The following RMDN2 variants were observed in gnomAD, a reference collection of about 807,000 sequenced individuals.
RMDN2 encodes regulator of microtubule dynamics 2.
A neutral mutation model predicts 52.8 loss-of-function variants in RMDN2; 61 were observed. That is an observed-to-expected ratio of 1.16 (90% CI 0.94 to 1.43). The LOEUF (loss-of-function observed/expected upper bound fraction) is 1.43, where lower values mean the gene tolerates loss of function less well. Among genes scored for constraint, RMDN2 ranks in the 40% most tolerant of loss-of-function variants. The pLI, the probability that RMDN2 is intolerant of heterozygous loss-of-function variation, is 0.00. For missense variants in RMDN2, 592 were observed against 475.3 expected, an observed-to-expected ratio of 1.25 and a Z score of -2.28; for synonymous variants, 180 against 153.1, an observed-to-expected ratio of 1.18 and a Z score of -1.30.
At position 37,980,507 on chromosome 2, in the gene RMDN2, T is replaced by A. The variant is rs145964200; in HGVS notation, c.731-776T>A. Among the ~76,000 whole-genome samples the A allele has an allele frequency of 8.8e-3, 1,338 of 152,278 alleles. 13 individuals are homozygous for A. Among genetic ancestry groups the A allele is most frequent in the African/African-American group, 0.03 (1,263 of 41,538 alleles). The stretch of plus-strand genomic sequence containing the variant: ...TTAGTAGAGACAGGGTTTCGCCATG[T>A]TGGCCAGATTGGTCTCGAATTCCTG... On this transcript the variant is annotated intron_variant, in intron 4 of 10. Transcript: ENST00000354545.
chr2:38,038,547 T>C lies in RMDN2; in HGVS notation c.1714-28435T>C, dbSNP rs200913777. Among the ~76,000 whole-genome samples, 1,075 of 152,346 alleles carry C rather than the reference T, an allele frequency of 7.1e-3. 10 individuals carry two copies. The highest frequency in any genetic ancestry group is 0.012 in the Non-Finnish European group (843 of 68,030). ...CCCCCGCCTCGGAGCCAGCTGCGCC[T>C]GGAGCTAAAGCCTCAGCTTTTTAAG... On this transcript the variant is annotated intron_variant, in intron 10 of 10. Transcript: ENST00000234195.
At chr2:37,968,799 A>G (rs1012820902) in intron 2 of RMDN2, among the ~76,000 whole-genome samples, 6 of 152,258 alleles carry the variant, frequency 3.9e-5, no homozygotes, top group African/African-American at 1.4e-4. Context: ...AAAGGCTATT[A>G]GAAAATTCTA....
chr2:37,996,354 G>C (rs2125157757), intron 7 of RMDN2, among the ~76,000 whole-genome samples: 1 of 152,214 alleles, frequency 6.6e-6, no homozygotes, highest in South Asian at 2.1e-4. Flanking sequence ...AGAGTCTGAG[G>C]CAGGAGGATC....
At chr2:37,998,250 C>T (rs748422183) in intron 8 of RMDN2, 2 of 152,162 alleles carry the variant, frequency 1.3e-5, no homozygotes, top group Non-Finnish European at 2.9e-5. Context: ...GACAAGGCTG[C>T]ATGCAGTGGC....
chr2:38,045,090 T>C (rs1266297500), intron 10 of RMDN2, among the ~76,000 whole-genome samples: 1 of 152,196 alleles, frequency 6.6e-6, no homozygotes, highest in East Asian at 1.9e-4. Flanking sequence ...TATAACTCTG[T>C]ATGTTAATTT....
chr2:37,951,739 TAACC>T, intron 2 of RMDN2: 1 of 1,612,670 alleles, frequency 6.2e-7, no homozygotes, highest in Non-Finnish European at 8.5e-7. Flanking sequence ...AAAAAACATA[TAACC>T]ATCTCTGCTC....
chr2:37,985,469 C>G (rs1439925475), intron 5 of RMDN2, among the ~76,000 whole-genome samples: 6 of 152,076 alleles, frequency 3.9e-5, no homozygotes, highest in Non-Finnish European at 4.4e-5. Context: ...CAAGTTCACT[C>G]ATAACATTTT....
intron 10 of RMDN2, among the ~76,000 whole-genome samples, chr2:38,053,204 T>C (rs1383612116): frequency 6.6e-6 from 1 of 152,110 alleles, no homozygotes; most frequent in Non-Finnish European, 1.5e-5. Context: ...CAAATTATGA[T>C]TTTTTTTGGA....
At chr2:38,003,578 A>AGATAGATAGATAGATAGATAGATG (rs1676627111) in intron 8 of RMDN2, among the ~76,000 whole-genome samples, 9 of 151,752 alleles carry the variant, frequency 5.9e-5, no homozygotes, top group African/African-American at 2.2e-4. Context: ...ATAGATAGAT[A>AGATAGATAGATAGATAGATAGATG]GATAGATAGA....
chr2:37,935,448 C>G (rs531137103), intron 2 of RMDN2, among the ~76,000 whole-genome samples: 1 of 152,210 alleles, frequency 6.6e-6, no homozygotes, highest in Non-Finnish European at 1.5e-5. Context: ...AACAGAGATT[C>G]AGAAGCTCAT....
chr2:38,058,946 G>A (rs551355021), intron 10 of RMDN2, among the ~76,000 whole-genome samples: 2 of 152,186 alleles, frequency 1.3e-5, no homozygotes, highest in East Asian at 1.9e-4. Flanking sequence ...TCGGAGGAGG[G>A]GCCCCTGAAT....
chr2:38,055,386 A>T (rs2125303798), intron 10 of RMDN2, among the ~76,000 whole-genome samples: 1 of 152,066 alleles, frequency 6.6e-6, no homozygotes, highest in South Asian at 2.1e-4. Context: ...CCCTCACCCT[A>T]TATACATAGC....
At chr2:38,026,573 A>G (rs1053935129) in intron 10 of RMDN2, among the ~76,000 whole-genome samples, 13 of 152,026 alleles carry the variant, frequency 8.6e-5, no homozygotes, top group Admixed American at 2.6e-4. Context: ...AGCTGAAGTC[A>G]TTGATATAAG....
chr2:37,929,594 A>G lies in RMDN2; in HGVS notation c.317A>G (p.Tyr106Cys), dbSNP rs765452435. ...GAAGCTATTCCAAAGCTGGAGGAAT[A>G]TATACAAGATGAACTTGGAGGGAAA... ...LKEAIPKLEEYIQDELGGKIT... is the reference protein window; with the variant it reads ...LKEAIPKLEECIQDELGGKIT... The change falls in exon 2 of 11, where the codon TAT (tyrosine) becomes TGT (cysteine). Residue 106 changes from tyrosine to cysteine, a missense_variant. Transcript: ENST00000354545. 2 of 1,551,848 alleles carry G rather than the reference A, an allele frequency of 1.3e-6. No homozygotes were observed. The highest frequency in any genetic ancestry group is 1.7e-6 in the Non-Finnish European group (2 of 1,146,942).
chr2:38,021,494 G>T (rs912265530), downstream of RMDN2, among the ~76,000 whole-genome samples: 3 of 152,058 alleles, frequency 2.0e-5, no homozygotes, highest in Admixed American at 1.3e-4. Flanking sequence ...GCGAAGGTCT[G>T]CAGCTTCACT....
chr2:37,950,381 C>A (rs1448013485), intron 2 of RMDN2: 8 of 1,486,586 alleles, frequency 5.4e-6, no homozygotes, highest in African/African-American at 1.4e-5. Context: ...AGGTGAGCTA[C>A]AGAACAGTTC....
intron 2 of RMDN2, among the ~76,000 whole-genome samples, chr2:37,961,933 C>A (rs1342244034): frequency 6.6e-6 from 1 of 152,312 alleles, no homozygotes; most frequent in African/African-American, 2.4e-5. Context: ...AGTTTTCCTT[C>A]TAACAGTCAG....
chr2:37,993,229 C>A (rs896815887), intron 7 of RMDN2, among the ~76,000 whole-genome samples: 1 of 152,100 alleles, frequency 6.6e-6, no homozygotes, highest in East Asian at 1.9e-4. Flanking sequence ...CTGGCCCAGG[C>A]AGTTTACTTC....
intron 2 of RMDN2, among the ~76,000 whole-genome samples, chr2:37,972,309 A>G (rs914189928): frequency 3.9e-5 from 6 of 152,198 alleles, no homozygotes; most frequent in Admixed American, 3.9e-4. Flanking sequence ...GAACAAAGAT[A>G]TGAAATATGC....
Sources: gnomAD v4.1 joint callset for allele counts (sites outside exome capture counted in the v4.1 genomes callset) on GRCh38, gnomAD v4.1.1 for gene constraint, MANE v1.5 for transcripts, NCBI Gene and HGNC (gene_info 2026-07-23, HGNC 2026-07-21) for gene names.